Variants in SLC36A1 observed in about 807,000 individuals in gnomAD.
The protein encoded by SLC36A1 is proton-coupled amino acid transporter 1.
SLC36A1 carries 30 observed loss-of-function variants against 47.5 expected under a neutral mutation model. That is an observed-to-expected ratio of 0.63 (90% CI 0.47 to 0.86). The LOEUF is 0.86. Ranked by LOEUF, SLC36A1 falls within the 40% of genes least tolerant of loss-of-function variation. The pLI is 0.00. For missense variants in SLC36A1, 517 were observed against 606.0 expected (o/e 0.85, Z 1.54); for synonymous variants, 255 against 249.7 (o/e 1.02, Z -0.20).
At chr5:151,508,315 A>G in the SLC36A1 span, among the ~76,000 whole-genome samples, 3 of 152,342 alleles carry the variant, frequency 2.0e-5, no homozygotes, top group South Asian at 6.2e-4. Flanking sequence ...TTTAAAATGC[A>G]GACACCACTT....
chr5:151,506,140 G>A, the SLC36A1 span: 28 of 1,490,866 alleles, frequency 1.9e-5, no homozygotes, highest in Admixed American at 3.3e-4. Flanking sequence ...TTTTCTCCCC[G>A]GAAGGTTTCA....
chr5:151,535,427 G>A, the SLC36A1 span, among the ~76,000 whole-genome samples: 1 of 152,004 alleles, frequency 6.6e-6, no homozygotes, highest in Non-Finnish European at 1.5e-5. Context: ...GACATCATGA[G>A]GCTCCCATAA....
chr5:151,407,124 A>G, the SLC36A1 span, among the ~76,000 whole-genome samples: 1 of 152,220 alleles, frequency 6.6e-6, no homozygotes, highest in East Asian at 1.9e-4. Flanking sequence ...CAGCTCATAC[A>G]GGTAGTATGG....
the SLC36A1 span, among the ~76,000 whole-genome samples, chr5:151,375,254 G>A: frequency 6.6e-6 from 1 of 152,070 alleles, no homozygotes; most frequent in South Asian, 2.1e-4. Flanking sequence ...GAGATAGGGG[G>A]TCCAGTTTTA....
chr5:151,445,718 T>C (rs748697284), upstream of SLC36A1, among the ~76,000 whole-genome samples: 3 of 152,234 alleles, frequency 2.0e-5, no homozygotes, highest in Non-Finnish European at 4.4e-5. Context: ...TCAATCTTGG[T>C]AGGTTGTATT....
At chr5:151,465,438 C>T (rs1173107563) in intron 5 of SLC36A1, among the ~76,000 whole-genome samples, 1 of 152,152 alleles carries the variant, frequency 6.6e-6, no homozygotes, top group Non-Finnish European at 1.5e-5. Flanking sequence ...CGGTCTATGA[C>T]CAGTGATTGT....
the SLC36A1 span, chr5:151,549,352 G>A: frequency 4.3e-6 from 7 of 1,613,900 alleles, no homozygotes; most frequent in Non-Finnish European, 5.9e-6. Flanking sequence ...TCCATGGCTC[G>A]GACCTGCAGC....
At chr5:151,527,978 C>G in the SLC36A1 span, 1 of 1,613,022 alleles carries the variant, frequency 6.2e-7, no homozygotes. Context: ...CAGGGTGCGC[C>G]CCTCCCACAT....
chr5:151,454,006 A>G (rs1176008999), intron 1 of SLC36A1, among the ~76,000 whole-genome samples: 1 of 152,004 alleles, frequency 6.6e-6, no homozygotes, highest in Non-Finnish European at 1.5e-5. Context: ...TTGAAGAGCA[A>G]CACTTGTCTA....
chr5:151,531,082 T>A, the SLC36A1 span, among the ~76,000 whole-genome samples: 2 of 152,124 alleles, frequency 1.3e-5, no homozygotes, highest in African/African-American at 2.4e-5. The surrounding 1 kb of genome is among the most constrained non-coding windows in gnomAD (Gnocchi z 5.7). Flanking sequence ...CTGTGGCTAG[T>A]AGGAAAGAAG....
chr5:151,379,292 G>A, the SLC36A1 span, among the ~76,000 whole-genome samples: 1 of 152,124 alleles, frequency 6.6e-6, no homozygotes, highest in African/African-American at 2.4e-5. Flanking sequence ...AGTAGGCGAT[G>A]TTTTTTTCCT....
At chr5:151,537,351 AAAAG>A in the SLC36A1 span, among the ~76,000 whole-genome samples, 2 of 86,600 alleles carry the variant, frequency 2.3e-5, no homozygotes, top group South Asian at 5.2e-4. Context: ...AAGAAAAGAA[AAAAG>A]AAGGAAGGAA....
chr5:151,430,249 C>T, the SLC36A1 span, among the ~76,000 whole-genome samples: 1 of 151,334 alleles, frequency 6.6e-6, no homozygotes, highest in Non-Finnish European at 1.5e-5. Context: ...AGTGCAACCT[C>T]CATCTCCTGG....
chr5:151,446,139 T>C (rs767330515), upstream of SLC36A1, among the ~76,000 whole-genome samples: 1 of 152,244 alleles, frequency 6.6e-6, no homozygotes, highest in Non-Finnish European at 1.5e-5. Context: ...CTACTTTTGC[T>C]GCATTCCATA....
chr5:151,367,757 A>C, the SLC36A1 span, among the ~76,000 whole-genome samples: 1 of 152,216 alleles, frequency 6.6e-6, no homozygotes, highest in Non-Finnish European at 1.5e-5. Flanking sequence ...CCATAATAAG[A>C]TGAAGTTGTC....
At chr5:151,364,495 G>C in the SLC36A1 span, among the ~76,000 whole-genome samples, 1 of 152,118 alleles carries the variant, frequency 6.6e-6, no homozygotes, top group African/African-American at 2.4e-5. Context: ...GGTATTGTCT[G>C]CCTCTTTGAT....
the SLC36A1 span, among the ~76,000 whole-genome samples, chr5:151,401,464 C>T: frequency 7.9e-5 from 12 of 152,086 alleles, no homozygotes; most frequent in African/African-American, 2.9e-4. Flanking sequence ...AATGTGATAC[C>T]TCCACCTTTT....
At chr5:151,401,129 T>A in the SLC36A1 span, among the ~76,000 whole-genome samples, 16 of 152,236 alleles carry the variant, frequency 1.1e-4, no homozygotes, top group Non-Finnish European at 2.1e-4. Context: ...CTAGGTTTTC[T>A]TCTATGATTT....
the SLC36A1 span, chr5:151,505,032 G>A: frequency 6.1e-6 from 1 of 163,594 alleles, no homozygotes. Flanking sequence ...ACTGAGGCAG[G>A]GGCAGAGGGG....
Sources: gnomAD v4.1 joint callset for allele counts (sites outside exome capture counted in the v4.1 genomes callset) on GRCh38, gnomAD v4.1.1 for gene constraint, Gnocchi (gnomAD v3.1) non-coding constraint, MANE v1.5 for transcripts, NCBI Gene and HGNC (gene_info 2026-07-23, HGNC 2026-07-21) for gene names.